Variants in CORIN observed in about 807,000 individuals in gnomAD.
CORIN encodes corin, serine peptidase.
Under a neutral mutation model 125.3 loss-of-function variants are expected in CORIN, and 117 were observed. The ratio of observed to expected loss-of-function variants is 0.93; its 90% CI spans 0.80 to 1.09. CORIN has a LOEUF of 1.09. Among genes scored for constraint, CORIN ranks in the 50% least tolerant of loss-of-function variants. The probability of loss-of-function intolerance (pLI) is 0.00; values close to 1 mark genes in which losing one functional copy is unlikely to be tolerated. For missense variants in CORIN, 1,253 were observed against 1,306.7 expected (o/e 0.96, Z 0.63); for synonymous variants, 450 against 466.4 (o/e 0.96, Z 0.45).
chr4:47,733,832 T>A (rs992517171), intron 5 of CORIN, among the ~76,000 whole-genome samples: 9 of 152,208 alleles, frequency 5.9e-5, no homozygotes, highest in African/African-American at 1.7e-4. Flanking sequence ...ATAAGACAAC[T>A]GTGTGTCCTT....
intron 5 of CORIN, among the ~76,000 whole-genome samples, chr4:47,695,038 A>G (rs1212223379): frequency 2.0e-5 from 3 of 152,212 alleles, no homozygotes; most frequent in African/African-American, 7.2e-5. Flanking sequence ...GTATCAATAC[A>G]AATTACATCT....
intron 5 of CORIN, among the ~76,000 whole-genome samples, chr4:47,717,382 A>G (rs17601586): frequency 0.099 from 15,103 of 151,840 alleles, 887 homozygotes; most frequent in East Asian, 0.27. Flanking sequence ...AGCTTCAAAG[A>G]CCTCCTCTAG....
At chr4:47,613,607 A>G (rs1381930668) in intron 19 of CORIN, among the ~76,000 whole-genome samples, 4 of 151,702 alleles carry the variant, frequency 2.6e-5, no homozygotes, top group Admixed American at 2.6e-4. Context: ...GCACATATAC[A>G]CCATGGAATA....
At chr4:47,736,359 C>G (rs780941798) in intron 5 of CORIN, among the ~76,000 whole-genome samples, 65 of 152,088 alleles carry the variant, frequency 4.3e-4, no homozygotes, top group Non-Finnish European at 8.4e-4. Flanking sequence ...CTGTCAAGTA[C>G]AACTAGAAAA....
intron 16 of CORIN, among the ~76,000 whole-genome samples, chr4:47,631,813 C>T (rs770981215): frequency 5.3e-5 from 8 of 152,266 alleles, no homozygotes; most frequent in Non-Finnish European, 7.4e-5. Flanking sequence ...CAAGGCCCCT[C>T]TGCTCTGGGC....
intron 5 of CORIN, among the ~76,000 whole-genome samples, chr4:47,720,230 G>C (rs114785560): frequency 6.6e-6 from 1 of 152,094 alleles, no homozygotes. Flanking sequence ...TACTTATTCT[G>C]TACTGGGCAG....
chr4:47,706,271 T>C, intron 5 of CORIN: 1 of 754,062 alleles, frequency 1.3e-6, no homozygotes, highest in South Asian at 1.8e-5. Context: ...CTTCCGAAAT[T>C]TGTTGGTATC....
At chr4:47,673,347 G>A (rs1177171082) in intron 10 of CORIN, among the ~76,000 whole-genome samples, 2 of 150,988 alleles carry the variant, frequency 1.3e-5, no homozygotes, top group Non-Finnish European at 2.9e-5. Context: ...CTGCACTCCA[G>A]CCTGGGTGAC....
At chr4:47,658,923 T>C (rs1724118966) in intron 12 of CORIN, among the ~76,000 whole-genome samples, 2 of 152,260 alleles carry the variant, frequency 1.3e-5, no homozygotes, top group Admixed American at 6.5e-5. Flanking sequence ...TTTGCTCCTG[T>C]ATCTGAGCAC....
At chr4:47,750,852 G>A (rs1208793388) in intron 4 of CORIN, among the ~76,000 whole-genome samples, 2 of 152,196 alleles carry the variant, frequency 1.3e-5, no homozygotes, top group Non-Finnish European at 2.9e-5. Context: ...ATGGAGGAGA[G>A]TGGAAAGTAG....
intron 3 of CORIN, among the ~76,000 whole-genome samples, chr4:47,773,275 A>C (rs2109891066): frequency 1.3e-5 from 2 of 152,336 alleles, no homozygotes; most frequent in South Asian, 4.1e-4. Context: ...TTCAATAAGG[A>C]AAGGATTTAT....
At chr4:47,656,551 T>C (rs1723990845) in intron 12 of CORIN, among the ~76,000 whole-genome samples, 1 of 152,172 alleles carries the variant, frequency 6.6e-6, no homozygotes. Flanking sequence ...ATATGATCAT[T>C]TCAGTTGATG....
intron 19 of CORIN, among the ~76,000 whole-genome samples, chr4:47,609,011 T>A (rs919999787): frequency 1.3e-5 from 2 of 152,124 alleles, no homozygotes; most frequent in Admixed American, 1.3e-4. Flanking sequence ...ATATTTTTCC[T>A]GTTTAATAAA....
At chr4:47,695,978 C>T (rs1725978467) in intron 5 of CORIN, among the ~76,000 whole-genome samples, 4 of 152,310 alleles carry the variant, frequency 2.6e-5, no homozygotes, top group African/African-American at 9.6e-5. Flanking sequence ...CTCCCCTGTT[C>T]CTGGTACTTG....
intron 12 of CORIN, among the ~76,000 whole-genome samples, chr4:47,660,519 C>A (rs1160604502): frequency 6.6e-6 from 1 of 152,016 alleles, no homozygotes; most frequent in Admixed American, 6.6e-5. Context: ...GACAAAAGAG[C>A]TGAATAAACA....
intron 3 of CORIN, among the ~76,000 whole-genome samples, chr4:47,785,978 T>C (rs1282939181): frequency 6.6e-6 from 1 of 151,448 alleles, no homozygotes; most frequent in Non-Finnish European, 1.5e-5. Flanking sequence ...ATCCTGTTAT[T>C]GAATTGGTCC....
At chr4:47,802,708 C>T (rs1462441071) in intron 2 of CORIN, among the ~76,000 whole-genome samples, 1 of 152,222 alleles carries the variant, frequency 6.6e-6, no homozygotes, top group Admixed American at 6.5e-5. Context: ...AAGAGAGGGA[C>T]ACAAACCTGG....
At position 47,837,919 on chromosome 4, in the gene CORIN, C is replaced by CT. The variant is rs922741291; in HGVS notation, c.30dup (p.Glu11ArgfsTer16). 2 of 1,613,642 alleles carry CT rather than the reference C, an allele frequency of 1.2e-6. No homozygotes were observed. Among genetic ancestry groups the CT allele is most frequent in the African/African-American group, 2.7e-5 (2 of 74,940 alleles). On this transcript the variant is annotated frameshift_variant, in exon 1 of 22. Transcript: ENST00000273857. LOFTEE classifies it high-confidence loss of function. ...GGGGACCCGGCTCTGCGGCAGCGCT[C>CT]TTCCGGAGCGAGGGCAGGAGACTGT...
chr4:47,666,176 C>A (rs1221907856), intron 10 of CORIN, among the ~76,000 whole-genome samples: 1 of 152,186 alleles, frequency 6.6e-6, no homozygotes. Context: ...CCACTCTTCC[C>A]ATTACTACTT....
Sources: gnomAD v4.1 joint callset for allele counts (sites outside exome capture counted in the v4.1 genomes callset) on GRCh38, gnomAD v4.1.1 for gene constraint, MANE v1.5 for transcripts, NCBI Gene and HGNC (gene_info 2026-07-23, HGNC 2026-07-21) for gene names.